TTC29: variants seen among roughly 807,000 people sequenced by gnomAD.
The protein encoded by TTC29 is tetratricopeptide repeat domain 29, also known as tetratricopeptide repeat protein 29.
In TTC29, 49 loss-of-function variants were observed where a neutral mutation model predicts 58.1. The observed-to-expected ratio is 0.84, with a 90% CI of 0.67 to 1.07. The LOEUF (loss-of-function observed/expected upper bound fraction) is 1.07. Ranked by LOEUF, TTC29 falls within the 50% of genes least tolerant of loss-of-function variation. The pLI is 0.00. For missense variants in TTC29, 582 were observed against 555.6 expected, an observed-to-expected ratio of 1.05 and a Z score of -0.48; for synonymous variants, 209 against 196.8, an observed-to-expected ratio of 1.06 and a Z score of -0.52.
chr4:146,712,987 C>G (rs1474433731), intron 11 of TTC29, among the ~76,000 whole-genome samples: 2 of 152,098 alleles, frequency 1.3e-5, no homozygotes, highest in African/African-American at 4.8e-5. Flanking sequence ...TTCCTAACCT[C>G]TCATCTGCTG....
chr4:146,735,313 G>T (rs951019430), intron 11 of TTC29, among the ~76,000 whole-genome samples: 2 of 152,142 alleles, frequency 1.3e-5, no homozygotes, highest in Non-Finnish European at 1.5e-5. Flanking sequence ...TATGAAGGAA[G>T]TGTTCTATTT....
At position 146,927,080 on chromosome 4, in the gene TTC29, C is replaced by CAAAAA. The variant is rs55786171; in HGVS notation, c.176+10509_176+10513dup. Reference sequence around the variant, plus strand: ...TGGGCAACAGAGCAAGACCCCATCTCAAAAAAAAAAAAAAGAAAAAAAAAG... The same window carrying CAAAAA: ...TGGGCAACAGAGCAAGACCCCATCTCAAAAAAAAAAAAAAAAAAAGAAAAAAAAAG... On this transcript the variant is annotated intron_variant, in intron 4 of 12. Coordinates refer to ENST00000325106, the MANE Select transcript of TTC29 (RefSeq NM_031956.4). 3.1e-3 allele frequency among the ~76,000 whole-genome samples: 338 copies of CAAAAA among 109,920 alleles called. 7 individuals are homozygous for CAAAAA. The highest frequency in any genetic ancestry group is 0.02 in the South Asian group (64 of 3,240). 72.1% of individuals were successfully genotyped at this position (109,920 alleles called of 152,430 possible).
intron 5 of TTC29, among the ~76,000 whole-genome samples, chr4:146,906,000 C>T (rs1430894339): frequency 6.6e-6 from 1 of 152,018 alleles, no homozygotes; most frequent in Non-Finnish European, 1.5e-5. Flanking sequence ...TGCTGCTCAA[C>T]CCTTAATAAA....
chr4:146,840,132 T>C (rs1371312360), intron 8 of TTC29, among the ~76,000 whole-genome samples: 2 of 151,872 alleles, frequency 1.3e-5, no homozygotes, highest in African/African-American at 4.8e-5. Flanking sequence ...CCTTTGATAC[T>C]ATCTCTTAAT....
At chr4:146,782,986 C>T (rs2150090304) in intron 11 of TTC29, among the ~76,000 whole-genome samples, 1 of 152,074 alleles carries the variant, frequency 6.6e-6, no homozygotes, top group South Asian at 2.1e-4. Flanking sequence ...GCATCAAAAG[C>T]AGTTGAAGTA....
intron 5 of TTC29, among the ~76,000 whole-genome samples, chr4:146,908,217 T>C (rs1733654592): frequency 6.6e-6 from 1 of 152,186 alleles, no homozygotes; most frequent in Non-Finnish European, 1.5e-5. Flanking sequence ...TGAGTTTTTC[T>C]TTTTGAATCC....
intron 5 of TTC29, among the ~76,000 whole-genome samples, chr4:146,907,289 G>A (rs964400083): frequency 1.3e-5 from 2 of 152,040 alleles, no homozygotes; most frequent in Non-Finnish European, 2.9e-5. Context: ...ATGACAAGCT[G>A]GCTCACATCT....
intron 6 of TTC29, among the ~76,000 whole-genome samples, chr4:146,876,050 A>T (rs1251583840): frequency 6.6e-6 from 1 of 152,092 alleles, no homozygotes; most frequent in Non-Finnish European, 1.5e-5. Flanking sequence ...GTTAAGAGTG[A>T]GTGTGGGCTC....
intron 4 of TTC29, among the ~76,000 whole-genome samples, chr4:146,912,790 T>G (rs1733978722): frequency 6.6e-6 from 1 of 151,946 alleles, no homozygotes; most frequent in African/African-American, 2.4e-5. Context: ...GGAGAGGTGC[T>G]GGGGGTGGAA....
intron 11 of TTC29, among the ~76,000 whole-genome samples, chr4:146,740,486 G>T (rs1745044118): frequency 6.6e-6 from 1 of 151,952 alleles, no homozygotes; most frequent in Non-Finnish European, 1.5e-5. Context: ...ACAATGTGCA[G>T]GTTAGTTACA....
At chr4:146,943,608 A>G (rs1013487083) in intron 2 of TTC29, among the ~76,000 whole-genome samples, 2 of 152,232 alleles carry the variant, frequency 1.3e-5, no homozygotes, top group Admixed American at 6.5e-5. Flanking sequence ...ACGTGGCCAC[A>G]TAAGGTATTT....
intron 11 of TTC29, among the ~76,000 whole-genome samples, chr4:146,794,662 TC>T (rs1175779406): frequency 6.6e-6 from 1 of 152,118 alleles, no homozygotes; most frequent in Non-Finnish European, 1.5e-5. Flanking sequence ...GAAAACTGTT[TC>T]CCTCCTTAGG....
intron 11 of TTC29, among the ~76,000 whole-genome samples, chr4:146,758,988 GA>G (rs1402304752): frequency 2.0e-5 from 3 of 151,894 alleles, no homozygotes; most frequent in African/African-American, 7.3e-5. Flanking sequence ...AAATAACCAA[GA>G]TCAGAGCAGA....
chr4:146,888,741 A>C (rs1278205304), intron 6 of TTC29, among the ~76,000 whole-genome samples: 1 of 152,158 alleles, frequency 6.6e-6, no homozygotes, highest in Admixed American at 6.6e-5. Context: ...TAATTAGTAA[A>C]TAATTTGACA....
chr4:146,772,781 C>A (rs1415094542), intron 11 of TTC29, among the ~76,000 whole-genome samples: 1 of 151,978 alleles, frequency 6.6e-6, no homozygotes, highest in South Asian at 2.1e-4. Context: ...GGCAGTTTGA[C>A]AGGAATAGCA....
At chr4:146,902,682 C>A (rs1028919701) in intron 6 of TTC29, among the ~76,000 whole-genome samples, 3 of 152,138 alleles carry the variant, frequency 2.0e-5, no homozygotes, top group African/African-American at 7.2e-5. Context: ...TCTCACTTCT[C>A]TGAGCTTTTC....
At chr4:146,891,611 T>A (rs1348892491) in intron 6 of TTC29, among the ~76,000 whole-genome samples, 4 of 152,206 alleles carry the variant, frequency 2.6e-5, no homozygotes, top group African/African-American at 7.2e-5. Context: ...CACAGGATAT[T>A]AGAAGCCCAC....
chr4:146,821,353 T>G (rs765530963), intron 9 of TTC29, among the ~76,000 whole-genome samples: 5 of 152,338 alleles, frequency 3.3e-5, no homozygotes, highest in Non-Finnish European at 7.3e-5. Flanking sequence ...GTGAGGACTC[T>G]TTTAAATTGA....
chr4:146,823,222 T>A (rs1339508926), intron 9 of TTC29, among the ~76,000 whole-genome samples: 1 of 152,172 alleles, frequency 6.6e-6, no homozygotes, highest in Non-Finnish European at 1.5e-5. Flanking sequence ...ACTTCTAGGG[T>A]TTTTATGGTT....
Sources: allele counts gnomAD v4.1 joint callset (sites outside exome capture counted in the v4.1 genomes callset), GRCh38; gene constraint gnomAD v4.1.1; transcripts MANE v1.5; gene names NCBI Gene and HGNC (gene_info 2026-07-23, HGNC 2026-07-21).